Variants in RSU1 observed in about 807,000 individuals in gnomAD.
RSU1 encodes rsu-1.
RSU1 carries 26 observed loss-of-function variants against 31.1 expected under a neutral mutation model. The ratio of observed to expected loss-of-function variants is 0.84; its 90% CI spans 0.61 to 1.16. The LOEUF is 1.16. Ranked by LOEUF, RSU1 falls within the 50% of genes most tolerant of loss-of-function variation. The pLI is 0.00. For missense variants in RSU1, 320 were observed against 339.1 expected, an observed-to-expected ratio of 0.94 and a Z score of 0.44; for synonymous variants, 164 against 136.3, an observed-to-expected ratio of 1.20 and a Z score of -1.41.
chr10:16,739,167 A>G (rs533411816), intron 7 of RSU1, among the ~76,000 whole-genome samples: 1 of 152,302 alleles, frequency 6.6e-6, no homozygotes, highest in East Asian at 1.9e-4. Context: ...TGCTGCAATA[A>G]ACATACATGC....
At chr10:16,746,245 G>A (rs773017193) in intron 7 of RSU1, among the ~76,000 whole-genome samples, 1 of 152,134 alleles carries the variant, frequency 6.6e-6, no homozygotes, top group Non-Finnish European at 1.5e-5. Flanking sequence ...TTGATTGTGG[G>A]CACATATTGC....
chr10:16,766,769 T>C (rs1837323163), intron 3 of RSU1, among the ~76,000 whole-genome samples: 1 of 151,886 alleles, frequency 6.6e-6, no homozygotes, highest in South Asian at 2.1e-4. Context: ...ATCCCAGCAC[T>C]TTGGGAGGCT....
At chr10:16,725,345 T>A (rs1196091811) in intron 7 of RSU1, among the ~76,000 whole-genome samples, 1 of 152,114 alleles carries the variant, frequency 6.6e-6, no homozygotes, top group Non-Finnish European at 1.5e-5. Flanking sequence ...ATCTACAAGA[T>A]TCCAGTAAAA....
chr10:16,698,785 A>G (rs17139050), intron 7 of RSU1, among the ~76,000 whole-genome samples: 26,235 of 152,138 alleles, frequency 0.17, 2,955 homozygotes, highest in East Asian at 0.47. Context: ...AGTCAGAGTT[A>G]ACAGAAAGGA....
At chr10:16,811,765 G>A (rs1431205728) in intron 2 of RSU1, among the ~76,000 whole-genome samples, 1 of 152,226 alleles carries the variant, frequency 6.6e-6, no homozygotes, top group Non-Finnish European at 1.5e-5. Flanking sequence ...GGAGAAGCCT[G>A]CAGGAAGGAG....
At chr10:16,668,922 T>C (rs1835050230) in intron 8 of RSU1, among the ~76,000 whole-genome samples, 1 of 152,216 alleles carries the variant, frequency 6.6e-6, no homozygotes, top group African/African-American at 2.4e-5. Flanking sequence ...TGGTTATATG[T>C]TTAAGGTTAC....
chr10:16,593,269 A>G lies in RSU1; in HGVS notation c.*125T>C. The G allele has an allele frequency of 6.7e-7, 1 of 1,483,082 alleles. No individual in the cohort carries two copies. The highest frequency in any genetic ancestry group is 9.0e-7 in the Non-Finnish European group (1 of 1,113,840). 91.9% of individuals were successfully genotyped at this position (1,483,082 alleles called of 1,614,324 possible). A position where few individuals can be genotyped will look rare whatever the true frequency, so the allele number is the denominator to read the frequency against. On this transcript the variant is annotated 3_prime_UTR_variant, in exon 9 of 9. Transcript: ENST00000345264. ...AGGTAAGGTGGGAAGCATTAGAAAG[A>G]GAGTGAAAAGAAAAATAAAAAAGGC...
In RSU1 at chr10:16,593,525, G is replaced by T. The variant is rs370796284; in HGVS notation, c.732-29C>A. On this transcript the variant is annotated intron_variant, in intron 8 of 8. Coordinates refer to ENST00000345264, the MANE Select transcript of RSU1 (RefSeq NM_012425.4). The stretch of plus-strand genomic sequence containing the variant: ...CAAAGACAGAGAAAGGACACTATCA[G>T]ATCTATTTTGCCAACACAAGATAGC... 2.6e-6 allele frequency: 4 copies of T among 1,560,550 alleles called. No homozygotes were observed. In the South Asian group the frequency reaches 4.4e-5, roughly 17 times the overall value.
chr10:16,613,352 T>C (rs890779546), intron 8 of RSU1, among the ~76,000 whole-genome samples: 1 of 152,232 alleles, frequency 6.6e-6, no homozygotes, highest in Non-Finnish European at 1.5e-5. Flanking sequence ...ACCACCTTCC[T>C]GCCACGCCTC....
At chr10:16,813,407 G>A (rs1029083617) in intron 2 of RSU1, among the ~76,000 whole-genome samples, 1 of 152,144 alleles carries the variant, frequency 6.6e-6, no homozygotes, top group African/African-American at 2.4e-5. Context: ...AAAGTTCTTG[G>A]TTCAGGCTAC....
rs1352398987 is a variant in RSU1 at position 16,752,941 on chromosome 10, C to G, written c.460G>C (p.Gly154Arg). Reference protein sequence around the residue: ...NDFEILPPDIGKLTKLQILSL... With the variant: ...NDFEILPPDIRKLTKLQILSL... ...ACTATCTGCAACTTTGTGAGCTTCC[C>G]AATATCTGGCGGCAGGATTTCAAAA... Residue 154 changes from glycine (G) to arginine (R), a missense_variant, in exon 6 of 9, where the codon GGG becomes CGG. Gly to Arg is a moderately radical substitution (Grantham distance 125, BLOSUM62 -2). Transcript: ENST00000345264. 1.9e-6 allele frequency: 3 copies of G among 1,613,836 alleles called. No individual in the cohort carries two copies. The highest frequency in any genetic ancestry group is 2.5e-6 in the Non-Finnish European group (3 of 1,179,898).
chr10:16,751,207 T>C (rs1345269462), intron 7 of RSU1, among the ~76,000 whole-genome samples: 2 of 151,990 alleles, frequency 1.3e-5, no homozygotes, highest in African/African-American at 2.4e-5. Context: ...GCCTTGAAAA[T>C]GTTTGCAAAA....
intron 2 of RSU1, among the ~76,000 whole-genome samples, chr10:16,796,222 C>A (rs890235607): frequency 1.3e-5 from 2 of 152,156 alleles, no homozygotes; most frequent in Non-Finnish European, 2.9e-5. Flanking sequence ...ATTCTCTCCC[C>A]ACATGTCATC....
intron 8 of RSU1, among the ~76,000 whole-genome samples, chr10:16,625,214 G>A (rs960103135): frequency 6.6e-6 from 1 of 152,106 alleles, no homozygotes; most frequent in Admixed American, 6.6e-5. Flanking sequence ...TCCTGCTCCT[G>A]AGAGGAAGTG....
intron 8 of RSU1, among the ~76,000 whole-genome samples, chr10:16,646,111 C>G (rs1834566446): frequency 7.2e-6 from 1 of 139,782 alleles, no homozygotes; most frequent in Admixed American, 7.1e-5. Context: ...AATGTGCATT[C>G]AAAACAGAAA....
At chr10:16,768,260 C>CCATTTCCAAGGT (rs1564350584) in intron 3 of RSU1, among the ~76,000 whole-genome samples, 1 of 152,168 alleles carries the variant, frequency 6.6e-6, no homozygotes, top group Admixed American at 6.5e-5. Context: ...TGGATTATGA[C>CCATTTCCAAGGT]CATTTCCAAG....
At chr10:16,731,249 G>C (rs1554769974) in intron 7 of RSU1, among the ~76,000 whole-genome samples, 1 of 151,964 alleles carries the variant, frequency 6.6e-6, no homozygotes, top group Non-Finnish European at 1.5e-5. Context: ...TGTGGCAAAT[G>C]AAACCCCGTC....
chr10:16,725,184 T>C (rs1208892423), intron 7 of RSU1, among the ~76,000 whole-genome samples: 2 of 152,134 alleles, frequency 1.3e-5, no homozygotes, highest in South Asian at 2.1e-4. Flanking sequence ...TTAATAAATA[T>C]AGTAGAGATG....
intron 3 of RSU1, among the ~76,000 whole-genome samples, chr10:16,780,860 T>C (rs1164974991): frequency 1.3e-5 from 2 of 152,160 alleles, no homozygotes; most frequent in Non-Finnish European, 2.9e-5. Context: ...CACTTTTGGC[T>C]TCTGTGGCCA....
Sources: gnomAD v4.1 joint callset for allele counts (sites outside exome capture counted in the v4.1 genomes callset) on GRCh38, gnomAD v4.1.1 for gene constraint, MANE v1.5 for transcripts, NCBI Gene and HGNC (gene_info 2026-07-23, HGNC 2026-07-21) for gene names.